Variants in ACYP2 observed in about 807,000 individuals in gnomAD.
The protein encoded by ACYP2 is acylphosphatase-2.
A neutral mutation model predicts 11.2 loss-of-function variants in ACYP2; 12 were observed. That is an observed-to-expected ratio of 1.08 (90% CI 0.69 to 1.74). ACYP2 has a LOEUF of 1.74. Among genes scored for constraint, ACYP2 ranks in the 40% most tolerant of loss-of-function variants. The pLI is 0.00. For missense variants in ACYP2, 134 were observed against 101.9 expected, an observed-to-expected ratio of 1.31 and a Z score of -1.35; for synonymous variants, 43 against 32.2, an observed-to-expected ratio of 1.33 and a Z score of -1.13.
intron 6 of ACYP2, among the ~76,000 whole-genome samples, chr2:54,148,295 G>T (rs1226123546): frequency 6.7e-6 from 1 of 149,912 alleles, no homozygotes; most frequent in Non-Finnish European, 1.5e-5. Flanking sequence ...ATGGGGATGG[G>T]TGTATACTAG....
At chr2:54,095,672 A>C (rs1572739602) in intron 4 of ACYP2, among the ~76,000 whole-genome samples, 4 of 107,138 alleles carry the variant, frequency 3.7e-5, no homozygotes, top group Non-Finnish European at 5.5e-5. Flanking sequence ...TGACCCCCCC[A>C]CCTCCCTCCT....
chr2:53,987,231 T>A (rs1334445336), intron 2 of ACYP2, among the ~76,000 whole-genome samples: 1 of 152,198 alleles, frequency 6.6e-6, no homozygotes, highest in Non-Finnish European at 1.5e-5. Flanking sequence ...TCTGGTTATG[T>A]CCTGTTTCTC....
rs549493442 is a variant in ACYP2, at chr2:54,271,570, C to G, written c.405-33118C>G. Among the ~76,000 whole-genome samples the G allele has an allele frequency of 2.6e-5, 4 of 152,170 alleles. 1 individual carries two copies. The South Asian group carries it at 8.3e-4, about 32-fold the overall frequency. ...CAAATCAATCATCGGCACCCATTCC[C>G]TATCCCTCTGTGCACCAAATTATCC... On this transcript the variant is annotated intron_variant, in intron 6 of 6. Coordinates refer to ENST00000607452, the MANE Select transcript of ACYP2 (RefSeq NM_001320586.2).
chr2:53,975,547 T>C (rs1241079684), intron 2 of ACYP2, among the ~76,000 whole-genome samples: 3 of 152,060 alleles, frequency 2.0e-5, no homozygotes, highest in Non-Finnish European at 4.4e-5. Context: ...CGTTATCCTT[T>C]TGAGGCTGGG....
chr2:54,275,509 G>A lies in ACYP2; in HGVS notation c.405-29179G>A, dbSNP rs770069109. Among the ~76,000 whole-genome samples the A allele has an allele frequency of 4.4e-4, 67 of 152,168 alleles. 1 individual carries two copies. The highest frequency in any genetic ancestry group is 8.7e-4 in the Non-Finnish European group (59 of 68,008). Reference sequence around the variant, plus strand: ...TCTAGCTTCCAGTATTAGGTCAGGAGAGAAAACATTTCTTTAGAACCTTTT... The same window carrying A: ...TCTAGCTTCCAGTATTAGGTCAGGAAAGAAAACATTTCTTTAGAACCTTTT... On this transcript the variant is annotated intron_variant, in intron 6 of 6. Coordinates refer to ENST00000607452, the MANE Select transcript of ACYP2 (RefSeq NM_001320586.2).
intron 6 of ACYP2, among the ~76,000 whole-genome samples, chr2:54,219,873 G>GTGTA (rs1395754749): frequency 6.2e-5 from 3 of 48,018 alleles, no homozygotes; most frequent in African/African-American, 2.2e-4. Context: ...GTGTGTGTGT[G>GTGTA]TGTGTGTGTA....
At chr2:53,986,947 A>T (rs1208504612) in intron 2 of ACYP2, among the ~76,000 whole-genome samples, 2 of 152,146 alleles carry the variant, frequency 1.3e-5, no homozygotes, top group African/African-American at 4.8e-5. Context: ...TTTATAAATT[A>T]TCCAGTCTCT....
intron 6 of ACYP2, among the ~76,000 whole-genome samples, chr2:54,279,212 C>T (rs115354760): frequency 0.034 from 5,187 of 152,162 alleles, 297 homozygotes; most frequent in African/African-American, 0.12. Context: ...AGCTTGCAAA[C>T]GATAGCCAGT....
At chr2:54,248,357 T>A (rs994557585) in intron 6 of ACYP2, among the ~76,000 whole-genome samples, 1 of 152,190 alleles carries the variant, frequency 6.6e-6, no homozygotes, top group Non-Finnish European at 1.5e-5. Context: ...ACAAAAGACA[T>A]ACGATTCCTA....
chr2:54,109,367 G>C (rs975316141), intron 4 of ACYP2, among the ~76,000 whole-genome samples: 7 of 152,060 alleles, frequency 4.6e-5, no homozygotes, highest in African/African-American at 1.7e-4. Flanking sequence ...CTATGAGGAT[G>C]CAAAGGCATA....
intron 2 of ACYP2, among the ~76,000 whole-genome samples, chr2:54,016,705 A>T (rs914124549): frequency 6.6e-6 from 1 of 150,748 alleles, no homozygotes; most frequent in African/African-American, 2.5e-5. Context: ...AGTCAAGGTC[A>T]AGGCACCTGC....
intron 6 of ACYP2, chr2:54,255,478 TGCAGGAGCGCCCTGTCA>T (rs1293495634): frequency 6.2e-7 from 1 of 1,614,040 alleles, no homozygotes; most frequent in Admixed American, 1.7e-5. Context: ...GCGCTCCACC[TGCAGGAGCGCCCTGTCA>T]GCCTCTGCAT....
At chr2:54,017,428 T>C (rs531019371) in intron 2 of ACYP2, among the ~76,000 whole-genome samples, 1 of 152,054 alleles carries the variant, frequency 6.6e-6, no homozygotes, top group East Asian at 1.9e-4. Context: ...CTAATTTTTG[T>C]ATCTTTAGTA....
intron 3 of ACYP2, among the ~76,000 whole-genome samples, chr2:54,054,099 G>T (rs1490152615): frequency 6.6e-6 from 1 of 152,164 alleles, no homozygotes; most frequent in East Asian, 1.9e-4. Context: ...TTTCGAGATA[G>T]GGATTTTCCT....
chr2:54,263,175 G>T (rs181308235), intron 6 of ACYP2, among the ~76,000 whole-genome samples: 4 of 152,316 alleles, frequency 2.6e-5, no homozygotes, highest in Non-Finnish European at 4.4e-5. Context: ...ATCTTCTGGG[G>T]AGACTTAAGG....
chr2:53,993,172 C>T (rs1291729762), intron 2 of ACYP2, among the ~76,000 whole-genome samples: 1 of 152,168 alleles, frequency 6.6e-6, no homozygotes, highest in African/African-American at 2.4e-5. Context: ...CACCACTGCA[C>T]TTCAGCATGG....
intron 6 of ACYP2, among the ~76,000 whole-genome samples, chr2:54,165,525 TCTCTCTCTCTCACACACACACA>T (rs1682919708): frequency 7.4e-6 from 1 of 135,318 alleles, no homozygotes; most frequent in African/African-American, 3.4e-5. Flanking sequence ...ACTCTCTCTC[TCTCTCTCTCTCACACACACACA>T]CACACACACA....
At chr2:54,136,280 A>ATCCACCTG (rs1332807506) in intron 5 of ACYP2, among the ~76,000 whole-genome samples, 1 of 152,128 alleles carries the variant, frequency 6.6e-6, no homozygotes, top group Non-Finnish European at 1.5e-5. Context: ...ACCTCAAGTT[A>ATCCACCTG]TCCACCTGCC....
At position 54,157,491 on chromosome 2, in the gene ACYP2, G is replaced by C. The variant is rs994061399; in HGVS notation, c.404+18743G>C. Among the ~76,000 whole-genome samples, 6 of 151,962 alleles carry C rather than the reference G, an allele frequency of 3.9e-5. No homozygotes were observed. The East Asian group carries it at 9.6e-4, about 24-fold the overall frequency. On this transcript the variant is annotated intron_variant, in intron 6 of 6. Transcript: ENST00000607452. Reference sequence around the variant, plus strand: ...GCATTCAGCTTTCTGCAGTTTTTTTGCTATTATGAATCTCGTTGCAGTGAG... The same window carrying C: ...GCATTCAGCTTTCTGCAGTTTTTTTCCTATTATGAATCTCGTTGCAGTGAG...
Sources: gnomAD v4.1 joint callset for allele counts (sites outside exome capture counted in the v4.1 genomes callset) on GRCh38, gnomAD v4.1.1 for gene constraint, MANE v1.5 for transcripts, NCBI Gene and HGNC (gene_info 2026-07-23, HGNC 2026-07-21) for gene names.